The following DCP1B variants were observed in gnomAD, a reference collection of about 807,000 sequenced individuals.
DCP1B encodes the protein mRNA-decapping enzyme 1B.
In DCP1B, 47 loss-of-function variants were observed where a neutral mutation model predicts 60.5. That is an observed-to-expected ratio of 0.78 (90% CI 0.61 to 0.99). The LOEUF is 0.99. DCP1B is among the 50% of genes least tolerant of loss of function. The pLI is 0.00. For synonymous variants in DCP1B, 267 were observed against 280.3 expected, an observed-to-expected ratio of 0.95 and a Z score of 0.47; for missense variants, 725 against 756.8, an observed-to-expected ratio of 0.96 and a Z score of 0.49.
At chr12:2,004,013 G>A (rs1346720808) in intron 1 of DCP1B, among the ~76,000 whole-genome samples, 2 of 152,006 alleles carry the variant, frequency 1.3e-5, no homozygotes, top group African/African-American at 4.8e-5. Flanking sequence ...GGCTCTTATG[G>A]TGCCGTACCC....
intron 3 of DCP1B, among the ~76,000 whole-genome samples, chr12:1,986,790 C>T (rs1248088693): frequency 6.6e-6 from 1 of 152,154 alleles, no homozygotes; most frequent in Non-Finnish European, 1.5e-5. Flanking sequence ...TCTGATTGCT[C>T]TCCTCAGTGT....
intron 5 of DCP1B, among the ~76,000 whole-genome samples, chr12:1,963,370 T>C (rs548387357): frequency 4.6e-5 from 7 of 152,230 alleles, no homozygotes; most frequent in Non-Finnish European, 7.3e-5. Flanking sequence ...CTCTCCCTCA[T>C]TGACCAGGGC....
intron 3 of DCP1B, among the ~76,000 whole-genome samples, chr12:1,975,629 C>T (rs1426948901): frequency 1.3e-5 from 2 of 152,162 alleles, no homozygotes; most frequent in African/African-American, 4.8e-5. Flanking sequence ...ATAAAATACA[C>T]TGCATGTCCA....
chr12:1,978,663 TCAA>T lies in DCP1B; in HGVS notation c.320-10756_320-10754del, dbSNP rs549296355. On this transcript the variant is annotated intron_variant, in intron 3 of 8. Coordinates refer to ENST00000280665, the MANE Select transcript of DCP1B (RefSeq NM_152640.5). ...AAATATTTTTATCACTCTTTTCCAG[TCAA>T]CAACCACACCCCACTTCCACCACCA... Among the ~76,000 whole-genome samples the T allele has an allele frequency of 9.9e-5, 15 of 152,270 alleles. No individual in the cohort carries two copies. In the South Asian group the frequency reaches 3.1e-3, roughly 32 times the overall value.
chr12:1,989,394 A>G (rs1361406286), intron 3 of DCP1B, among the ~76,000 whole-genome samples: 2 of 152,124 alleles, frequency 1.3e-5, no homozygotes, highest in Non-Finnish European at 2.9e-5. Flanking sequence ...AGAAAAAGGA[A>G]AGAGGAAAGA....
chr12:1,953,084 T>C lies in DCP1B; in HGVS notation c.856A>G (p.Ile286Val). Residue 286 changes from isoleucine to valine, a missense_variant, in exon 7 of 9, where the codon ATT becomes GTT. Coordinates refer to ENST00000280665, the MANE Select transcript of DCP1B (RefSeq NM_152640.5). Reference protein sequence around the residue: ...YEEPRRHSPPIEKQLCPAIQK... With the variant: ...YEEPRRHSPPVEKQLCPAIQK... ...ATGGCTGGACAGAGCTGCTTCTCAA[T>C]GGGGGGTGAGTGTCTTCTGGGTTCC... The C allele has an allele frequency of 6.2e-7, 1 of 1,614,008 alleles. No individual in the cohort carries two copies.
At chr12:1,974,626 C>T (rs2033713490) in intron 3 of DCP1B, among the ~76,000 whole-genome samples, 1 of 152,086 alleles carries the variant, frequency 6.6e-6, no homozygotes, top group Non-Finnish European at 1.5e-5. Flanking sequence ...AAACAAAGGA[C>T]AAATAATAAC....
At chr12:1,984,722 A>G (rs1380811918) in intron 3 of DCP1B, among the ~76,000 whole-genome samples, 1 of 132,840 alleles carries the variant, frequency 7.5e-6, no homozygotes, top group Admixed American at 8.6e-5. Flanking sequence ...CTTTGATATT[A>G]TTCCTTCCAG....
chr12:1,955,648 G>T, intron 5 of DCP1B, 88 bp from the exon 6 acceptor site: 2 of 1,404,590 alleles, frequency 1.4e-6, no homozygotes, highest in Non-Finnish European at 1.9e-6. Flanking sequence ...TTATCTAATT[G>T]GTAGACGGCT....
At chr12:1,983,568 A>G (rs1465978940) in intron 3 of DCP1B, among the ~76,000 whole-genome samples, 1 of 152,120 alleles carries the variant, frequency 6.6e-6, no homozygotes, top group South Asian at 2.1e-4. Context: ...ATTTAATTCT[A>G]TTGTGGTCCC....
chr12:1,986,048 C>T (rs1264728234), intron 3 of DCP1B, among the ~76,000 whole-genome samples: 4 of 152,142 alleles, frequency 2.6e-5, no homozygotes, highest in East Asian at 1.9e-4. Flanking sequence ...CTCCTGACCT[C>T]GTGATCTGCC....
chr12:1,957,619 C>A (rs1331143328), intron 5 of DCP1B, among the ~76,000 whole-genome samples: 3 of 152,216 alleles, frequency 2.0e-5, no homozygotes, highest in South Asian at 2.1e-4. Flanking sequence ...GCCTGTAGAT[C>A]ATTTCTGGTC....
chr12:1,969,545 CTTTT>C (rs780218221), intron 3 of DCP1B, among the ~76,000 whole-genome samples: 2 of 130,168 alleles, frequency 1.5e-5, no homozygotes, highest in Non-Finnish European at 3.2e-5. Flanking sequence ...GGTACACTGA[CTTTT>C]TTTTTTTTTT....
chr12:1,977,250 T>A (rs886973571), intron 3 of DCP1B, among the ~76,000 whole-genome samples: 14 of 152,132 alleles, frequency 9.2e-5, no homozygotes, highest in African/African-American at 3.1e-4. Context: ...AAAGCACAGA[T>A]CTGTTAGCAT....
chr12:1,991,196 C>G, intron 3 of DCP1B: 1 of 456,164 alleles, frequency 2.2e-6, no homozygotes, highest in Non-Finnish European at 4.4e-6. Flanking sequence ...AAATCAGAAT[C>G]TGTGGGTTTT....
At chr12:1,974,595 G>A (rs985693107) in intron 3 of DCP1B, among the ~76,000 whole-genome samples, 1 of 152,126 alleles carries the variant, frequency 6.6e-6, no homozygotes, top group Non-Finnish European at 1.5e-5. Flanking sequence ...AAAATCACAT[G>A]CATTTCTCTT....
intron 3 of DCP1B, among the ~76,000 whole-genome samples, chr12:1,979,886 C>T (rs539181412): frequency 6.6e-6 from 1 of 152,242 alleles, no homozygotes; most frequent in South Asian, 2.1e-4. Context: ...ATGCTCAATA[C>T]AGTCTGTTGT....
At chr12:1,994,292 G>A (rs2040263838) in intron 2 of DCP1B, among the ~76,000 whole-genome samples, 1 of 152,134 alleles carries the variant, frequency 6.6e-6, no homozygotes, top group Non-Finnish European at 1.5e-5. Flanking sequence ...AGGGTGCTAG[G>A]GCTGTTATTA....
chr12:1,955,370 G>A (rs2030845010), intron 6 of DCP1B, 62 bp downstream of exon 6: 6 of 1,545,954 alleles, frequency 3.9e-6, no homozygotes, highest in Admixed American at 1.9e-5. Flanking sequence ...ACTATATTCT[G>A]GGTCAAAGTT....
Sources: allele counts gnomAD v4.1 joint callset (sites outside exome capture counted in the v4.1 genomes callset), GRCh38; gene constraint gnomAD v4.1.1; transcripts MANE v1.5; gene names NCBI Gene and HGNC (gene_info 2026-07-23, HGNC 2026-07-21).